Variants in ATP10B observed in about 807,000 individuals in gnomAD.
ATP10B encodes the protein ATPase phospholipid transporting 10B (putative).
In ATP10B, 122 loss-of-function variants were observed where a neutral mutation model predicts 141.2. The ratio of observed to expected loss-of-function variants is 0.86; its 90% CI spans 0.75 to 1.00. ATP10B has a LOEUF of 1.00. Ranked by LOEUF, ATP10B falls within the 50% of genes least tolerant of loss-of-function variation. The pLI, the probability that ATP10B is intolerant of heterozygous loss-of-function variation, is 0.00. For synonymous variants in ATP10B, 685 were observed against 692.0 expected (o/e 0.99, Z 0.16); for missense variants, 1,876 against 1,825.3 (o/e 1.03, Z -0.51).
intron 2 of ATP10B, among the ~76,000 whole-genome samples, chr5:160,718,792 T>G (rs1765803726): frequency 6.6e-6 from 1 of 152,102 alleles, no homozygotes; most frequent in Non-Finnish European, 1.5e-5. Flanking sequence ...CAAACACCTT[T>G]CATCAGACCC....
intron 13 of ATP10B, among the ~76,000 whole-genome samples, chr5:160,623,741 A>G (rs1758474896): frequency 6.6e-6 from 1 of 152,154 alleles, no homozygotes; most frequent in Non-Finnish European, 1.5e-5. Flanking sequence ...ATGCCAGAAA[A>G]GCTTCTCTCA....
intron 1 of ATP10B, among the ~76,000 whole-genome samples, chr5:160,833,468 G>C (rs950712166): frequency 3.9e-5 from 6 of 152,070 alleles, no homozygotes; most frequent in Admixed American, 2.6e-4. Flanking sequence ...GAATAGAAAG[G>C]GATATGCTCT....
the ATP10B span, among the ~76,000 whole-genome samples, chr5:160,903,761 G>C: frequency 1.3e-5 from 2 of 152,130 alleles, no homozygotes; most frequent in African/African-American, 4.8e-5. Context: ...GCACAGTGTT[G>C]CTTGCCTGCC....
the ATP10B span, among the ~76,000 whole-genome samples, chr5:160,864,576 C>T: frequency 6.6e-6 from 1 of 150,770 alleles, no homozygotes; most frequent in African/African-American, 2.4e-5. Flanking sequence ...CTAGACAGAG[C>T]AATCAGACAA....
intron 10 of ATP10B, among the ~76,000 whole-genome samples, chr5:160,638,602 A>G (rs1341000537): frequency 6.6e-6 from 1 of 152,152 alleles, no homozygotes; most frequent in Non-Finnish European, 1.5e-5. Context: ...CAGGCCACCC[A>G]CAAGACTCAA....
chr5:160,761,919 G>A (rs918505077), intron 2 of ATP10B, among the ~76,000 whole-genome samples: 1 of 152,160 alleles, frequency 6.6e-6, no homozygotes, highest in African/African-American at 2.4e-5. Context: ...GGTACACTTA[G>A]AGAAATGCAA....
At chr5:160,888,729 G>A in the ATP10B span, among the ~76,000 whole-genome samples, 1 of 152,072 alleles carries the variant, frequency 6.6e-6, no homozygotes, top group African/African-American at 2.4e-5. Flanking sequence ...CCATTCCGGT[G>A]GTTTAAGAAC....
chr5:160,612,935 TG>T lies in ATP10B; in HGVS notation c.2654-11del. On this transcript the variant is annotated splice_polypyrimidine_tract_variant and intron_variant, in intron 17 of 25. Transcript: ENST00000327245. ...TCGATCCCAGTGGCTCCTGGAGTGA[TG>T]AAAAACAACAGAGTTCACATTTATC... 3 of 1,606,148 alleles carry T rather than the reference TG, an allele frequency of 1.9e-6. No homozygotes were observed. Among genetic ancestry groups the T allele is most frequent in the Non-Finnish European group, 2.5e-6 (3 of 1,176,732 alleles).
At chr5:160,875,387 C>T in the ATP10B span, among the ~76,000 whole-genome samples, 1 of 108,102 alleles carries the variant, frequency 9.3e-6, no homozygotes, top group Non-Finnish European at 2.2e-5. Flanking sequence ...GAAGGAAGCG[C>T]TAAACATGGA....
At chr5:160,759,697 T>C (rs1432681323) in intron 2 of ATP10B, among the ~76,000 whole-genome samples, 1 of 152,240 alleles carries the variant, frequency 6.6e-6, no homozygotes, top group East Asian at 1.9e-4. Context: ...TGCTCTTTTC[T>C]GTGCTCCCTC....
chr5:160,866,134 T>C, the ATP10B span, among the ~76,000 whole-genome samples: 1 of 152,072 alleles, frequency 6.6e-6, no homozygotes, highest in Non-Finnish European at 1.5e-5. Flanking sequence ...AGCAGCACAA[T>C]TTGCAATTAC....
In ATP10B at chr5:160,649,858, C is replaced by A. The variant is rs148513843; in HGVS notation, c.676-602G>T. On this transcript the variant is annotated intron_variant, in intron 7 of 25. Transcript: ENST00000327245. The stretch of plus-strand genomic sequence containing the variant: ...ATTAGCCAGGCATGGTGGCTCACAC[C>A]TGTAATCCCAGCACTTTGGGAGGCT... 9.9e-3 allele frequency among the ~76,000 whole-genome samples: 1,513 copies of A among 152,090 alleles called. 17 individuals carry two copies. The highest frequency in any genetic ancestry group is 0.034 in the African/African-American group (1,429 of 41,430).
chr5:160,829,213 A>T (rs774461365), intron 1 of ATP10B, among the ~76,000 whole-genome samples: 15 of 151,912 alleles, frequency 9.9e-5, no homozygotes, highest in East Asian at 1.9e-4. Context: ...ATAATAATAA[A>T]AAAAAAAGCA....
chr5:160,787,119 C>G (rs981791225), intron 1 of ATP10B, among the ~76,000 whole-genome samples: 2 of 119,996 alleles, frequency 1.7e-5, no homozygotes, highest in African/African-American at 6.0e-5. Context: ...CACACACACA[C>G]ACACACACAC....
At chr5:160,582,547 G>A (rs190185049) in intron 24 of ATP10B, among the ~76,000 whole-genome samples, 43 of 152,288 alleles carry the variant, frequency 2.8e-4, no homozygotes, top group African/African-American at 9.9e-4. Context: ...TGGGGAACCC[G>A]ACCTTTCTCT....
At chr5:160,652,298 G>A (rs1449233395) in intron 7 of ATP10B, among the ~76,000 whole-genome samples, 1 of 151,894 alleles carries the variant, frequency 6.6e-6, no homozygotes, top group African/African-American at 2.4e-5. Flanking sequence ...GGGCATATGG[G>A]TCCTGCTGGC....
At chr5:160,572,197 T>C (rs1429523285) in intron 24 of ATP10B, among the ~76,000 whole-genome samples, 5 of 151,524 alleles carry the variant, frequency 3.3e-5, no homozygotes, top group African/African-American at 4.9e-5. Context: ...AGTTTTTTTT[T>C]CCCCTTTTTT....
chr5:160,661,327 G>T (rs1007263441), intron 7 of ATP10B, among the ~76,000 whole-genome samples: 10 of 152,098 alleles, frequency 6.6e-5, no homozygotes, highest in African/African-American at 2.4e-4. Context: ...AGAGATTAAA[G>T]AAATTATCTC....
At chr5:160,576,989 G>C (rs1329679983) in intron 24 of ATP10B, among the ~76,000 whole-genome samples, 1 of 152,184 alleles carries the variant, frequency 6.6e-6, no homozygotes, top group Non-Finnish European at 1.5e-5. Flanking sequence ...CCCAGGAAAA[G>C]TCCAAACACC....
Sources: allele counts gnomAD v4.1 joint callset (sites outside exome capture counted in the v4.1 genomes callset), GRCh38; gene constraint gnomAD v4.1.1; transcripts MANE v1.5; gene names NCBI Gene and HGNC (gene_info 2026-07-23, HGNC 2026-07-21).